The following ODF2 variants were observed in gnomAD, a reference collection of about 807,000 sequenced individuals.
ODF2 encodes the protein outer dense fiber of sperm tails 2.
In ODF2, 47 loss-of-function variants were observed where a neutral mutation model predicts 110.2. The ratio of observed to expected loss-of-function variants is 0.43; its 90% confidence interval spans 0.34 to 0.54. ODF2 has a LOEUF of 0.54. ODF2 is among the 20% of genes least tolerant of loss of function. The pLI, the probability that ODF2 is intolerant of heterozygous loss-of-function variation, is 0.03. For synonymous variants in ODF2, 352 were observed against 397.7 expected (o/e 0.89, Z 1.37); for missense variants, 812 against 1,054.5 (o/e 0.77, Z 3.19).
At chr9:128,459,018 T>C (rs1041238984) in intron 2 of ODF2, among the ~76,000 whole-genome samples, 1 of 151,984 alleles carries the variant, frequency 6.6e-6, no homozygotes, top group African/African-American at 2.4e-5. Flanking sequence ...CTAATTTTTG[T>C]ATGTTTTGTA....
chr9:128,492,897 T>C lies in ODF2; in HGVS notation c.1752+92T>C, dbSNP rs1844867514. 36 of 1,140,148 alleles carry C rather than the reference T, an allele frequency of 3.2e-5. 2 individuals are homozygous for C. The South Asian group carries it at 4.3e-4, about 13-fold the overall frequency. The allele number at this position is 1,140,148 out of a possible 1,614,324, so 70.6% of individuals were successfully genotyped here. A position where few individuals can be genotyped will look rare whatever the true frequency, so the allele number is the denominator to read the frequency against. The stretch of plus-strand genomic sequence containing the variant: ...TGTTCCCCTTGTTTGCCTTTGACCC[T>C]ACCTGATTTGGGCAACAAAGGTGAG... On this transcript the variant is annotated intron_variant, in intron 16 of 20. Coordinates refer to ENST00000604420, the Ensembl canonical transcript of ODF2.
At chr9:128,486,874 C>T (rs2132088923) in intron 13 of ODF2, among the ~76,000 whole-genome samples, 1 of 152,296 alleles carries the variant, frequency 6.6e-6, no homozygotes, top group African/African-American at 2.4e-5. Flanking sequence ...GAGAGGAATG[C>T]CTGGGTGATA....
Position 128,485,312 on chromosome 9 carries a change from G to C in ODF2, c.1291-53G>C. 1.0e-6 allele frequency: 1 copy of C among 955,718 alleles called. No individual in the cohort carries two copies. The highest frequency in any genetic ancestry group is 3.1e-4 in the Middle Eastern group (1 of 3,274). The allele number at this position is 955,718 out of a possible 1,614,324, so 59.2% of individuals were successfully genotyped here. ...AGGATGAGCCCGCTCCCAGCTCCTG[G>C]CAGCCTCACCACTGACACTAGGCTA... On this transcript the variant is annotated intron_variant, in intron 12 of 20. Transcript: ENST00000604420. The surrounding 1 kb of genome is among the most constrained non-coding windows in gnomAD (Gnocchi z 5.0).
chr9:128,473,233 TCAC>T lies in ODF2; in HGVS notation c.711+194_711+196del, dbSNP rs1177903460. On this transcript the variant is annotated intron_variant, in intron 7 of 20. Coordinates refer to ENST00000604420, the Ensembl canonical transcript of ODF2. The stretch of plus-strand genomic sequence containing the variant: ...CTTGACCCTTGAAGATGACCTCTGG[TCAC>T]CAGGGCCTCTGAGGAGACCTCATCA... 7.1e-6 allele frequency: 7 copies of T among 985,324 alleles called. No homozygotes were observed. The Admixed American group carries it at 4.3e-4, about 61-fold the overall frequency. The allele number at this position is 985,324 out of a possible 1,614,324, so 61.0% of individuals were successfully genotyped here. A position where few individuals can be genotyped will look rare whatever the true frequency, so the allele number is the denominator to read the frequency against.
At chr9:128,466,148 A>C (rs902453413) in intron 4 of ODF2, among the ~76,000 whole-genome samples, 25 of 151,150 alleles carry the variant, frequency 1.7e-4, no homozygotes, top group Non-Finnish European at 2.9e-4. Flanking sequence ...CAAAAAAAAA[A>C]CAAAAAAAAC....
At chr9:128,496,589 T>C (rs1416913672) in intron 18 of ODF2, among the ~76,000 whole-genome samples, 2 of 152,260 alleles carry the variant, frequency 1.3e-5, no homozygotes, top group African/African-American at 4.8e-5. Context: ...GGTACGGCTT[T>C]GGGAATCAGA....
At chr9:128,456,514 C>T (rs1262162534) in intron 1 of ODF2, 2 of 1,526,334 alleles carry the variant, frequency 1.3e-6, no homozygotes, top group Admixed American at 2.0e-5. Flanking sequence ...CCTCCTCTGC[C>T]GCCCGCGGGC....
At chr9:128,484,153 C>A in intron 11 of ODF2, 99 bp downstream of exon 11, 1 of 867,658 alleles carries the variant, frequency 1.2e-6, no homozygotes, top group Non-Finnish European at 1.9e-6. Flanking sequence ...AGTGTGCCTC[C>A]AAAGGTTTCT....
intron 6 of ODF2, 88 bp downstream of exon 6, chr9:128,471,556 G>C (rs572939843): frequency 1.5e-6 from 2 of 1,363,818 alleles, no homozygotes; most frequent in African/African-American, 3.0e-5. Flanking sequence ...AGCAACGTAG[G>C]AGGTGGGCAC....
chr9:128,475,844 C>T (rs1231506871), intron 8 of ODF2, among the ~76,000 whole-genome samples: 1 of 151,824 alleles, frequency 6.6e-6, no homozygotes, highest in Non-Finnish European at 1.5e-5. Context: ...CAGGGTTTCA[C>T]CATGTTGGCC....
chr9:128,491,663 CA>C (rs886245357), intron 14 of ODF2, among the ~76,000 whole-genome samples: 1 of 147,286 alleles, frequency 6.8e-6, no homozygotes, highest in African/African-American at 2.5e-5. Context: ...GACTCCATCT[CA>C]AAAAAAAATA....
chr9:128,468,575 T>A (rs1327458819), intron 4 of ODF2, among the ~76,000 whole-genome samples: 1 of 151,972 alleles, frequency 6.6e-6, no homozygotes, highest in African/African-American at 2.4e-5. Context: ...CAGGCTGGAG[T>A]GCAATGGCGC....
exon 2 of ODF2, chr9:128,457,203 T>C (rs1293588264): frequency 6.5e-7 from 1 of 1,545,988 alleles, no homozygotes; most frequent in East Asian, 2.4e-5. Context: ...GGCAGGACAG[T>C]TGCTGTGCGA....
intron 16 of ODF2, 74 bp downstream of exon 16, chr9:128,492,879 C>A: frequency 1.5e-6 from 2 of 1,334,104 alleles, no homozygotes; most frequent in East Asian, 2.4e-5. Flanking sequence ...GTCTGTTCCC[C>A]TTGTTTGCCT....
intron 5 of ODF2, among the ~76,000 whole-genome samples, chr9:128,470,194 T>C (rs1269146910): frequency 6.7e-6 from 1 of 149,014 alleles, no homozygotes; most frequent in African/African-American, 2.5e-5. Flanking sequence ...ATTGGCAGAG[T>C]TGTCATTAAA....
At chr9:128,482,619 A>G (rs932652080) in intron 9 of ODF2, among the ~76,000 whole-genome samples, 197 bp from the exon 10 acceptor site, 1 of 152,226 alleles carries the variant, frequency 6.6e-6, no homozygotes, top group Non-Finnish European at 1.5e-5. Context: ...CTTAAATTGC[A>G]AAATAAATAC....
chr9:128,473,809 T>C, intron 8 of ODF2, 68 bp downstream of exon 8: 1 of 1,471,818 alleles, frequency 6.8e-7, no homozygotes, highest in South Asian at 1.2e-5. Flanking sequence ...TTTCTCCTTG[T>C]CTGTAAAAAG....
Position 128,470,351 on chromosome 9 carries a change from C to T in ODF2, c.421-957C>T, listed in dbSNP as rs116999713. On this transcript the variant is annotated intron_variant, in intron 5 of 20. Coordinates refer to ENST00000604420, the Ensembl canonical transcript of ODF2. ...GCTGCCTAGAATAGGCCCTTCTTGG[C>T]CAGGCGTGGTGGCTCATGCCTATAA... Among the ~76,000 whole-genome samples the T allele has an allele frequency of 5.3e-4, 80 of 151,880 alleles. No homozygotes were observed. The East Asian group carries it at 9.0e-3, about 17-fold the overall frequency.
chr9:128,463,308 C>A (rs532953153), intron 4 of ODF2, among the ~76,000 whole-genome samples: 1 of 152,090 alleles, frequency 6.6e-6, no homozygotes, highest in African/African-American at 2.4e-5. Context: ...CAATGGAATA[C>A]CATGCAGCCT....
Sources: allele counts gnomAD v4.1 joint callset (sites outside exome capture counted in the v4.1 genomes callset), GRCh38; gene constraint gnomAD v4.1.1; non-coding constraint Gnocchi (gnomAD v3.1); transcripts MANE v1.5; gene names NCBI Gene and HGNC (gene_info 2026-07-23, HGNC 2026-07-21).